Variants in TTLL5 observed in about 807,000 individuals in gnomAD.
TTLL5 encodes tubulin tyrosine ligase like 5.
A neutral mutation model predicts 168.4 loss-of-function variants in TTLL5; 132 were observed. The ratio of observed to expected loss-of-function variants is 0.78; its 90% CI spans 0.68 to 0.91. The LOEUF (loss-of-function observed/expected upper bound fraction) is 0.91. TTLL5 is among the 40% of genes least tolerant of loss of function. TTLL5 has a pLI of 0.00. For synonymous variants in TTLL5, 546 were observed against 558.6 expected (o/e 0.98, Z 0.32); for missense variants, 1,545 against 1,581.5 (o/e 0.98, Z 0.39).
chr14:75,683,011 C>T (rs1178662198), intron 4 of TTLL5, among the ~76,000 whole-genome samples: 1 of 152,064 alleles, frequency 6.6e-6, no homozygotes, highest in Non-Finnish European at 1.5e-5. Context: ...AGCTCAAGCG[C>T]TCCTCCCGCC....
chr14:75,746,843 C>T (rs919054237), intron 17 of TTLL5, among the ~76,000 whole-genome samples: 7 of 152,062 alleles, frequency 4.6e-5, no homozygotes, highest in African/African-American at 9.7e-5. Context: ...AGATTATAGG[C>T]GTGAGACACC....
chr14:75,726,852 G>A (rs1429089309), intron 12 of TTLL5, among the ~76,000 whole-genome samples: 1 of 152,076 alleles, frequency 6.6e-6, no homozygotes, highest in Non-Finnish European at 1.5e-5. Flanking sequence ...GGGAGCGATA[G>A]GATTATTATT....
At chr14:75,755,456 A>G (rs1218949637) in intron 18 of TTLL5, among the ~76,000 whole-genome samples, 1 of 151,986 alleles carries the variant, frequency 6.6e-6, no homozygotes, top group Non-Finnish European at 1.5e-5. Flanking sequence ...AATGGCCTTC[A>G]ATCCATCCCT....
Position 75,733,913 on chromosome 14 carries a change from T to A in TTLL5, c.1125-76T>A, listed in dbSNP as rs572006883. The A allele has an allele frequency of 9.7e-5, 136 of 1,405,974 alleles. 1 individual carries two copies. The South Asian group carries it at 1.5e-3, about 15-fold the overall frequency. 87.1% of individuals were successfully genotyped at this position (1,405,974 alleles called of 1,614,324 possible). A position where few individuals can be genotyped will look rare whatever the true frequency, so the allele number is the denominator to read the frequency against. ...TTGACATTTGGAAACTTTGCTATAT[T>A]GGGACCCATCAGAGGGCGGCTATTC... On this transcript the variant is annotated intron_variant, in intron 13 of 31. Transcript: ENST00000298832.
chr14:75,752,974 T>G lies in TTLL5; in HGVS notation c.1550+19T>G, dbSNP rs775438422. The G allele has an allele frequency of 5.0e-6, 8 of 1,608,386 alleles. No homozygotes were observed. The highest frequency in any genetic ancestry group is 6.8e-6 in the Non-Finnish European group (8 of 1,175,612). On this transcript the variant is annotated intron_variant, in intron 18 of 31. Coordinates refer to ENST00000298832, the MANE Select transcript of TTLL5 (RefSeq NM_015072.5). ...AGGACAGGTAGAGATTTGCTAAACT[T>G]TAAATTTAGGACTAGATCACAAGAT...
At chr14:75,765,620 T>C (rs1890922221) in intron 19 of TTLL5, among the ~76,000 whole-genome samples, 1 of 152,156 alleles carries the variant, frequency 6.6e-6, no homozygotes, top group Non-Finnish European at 1.5e-5. Flanking sequence ...CCCAGCACTT[T>C]AGGAGGCCAA....
intron 29 of TTLL5, among the ~76,000 whole-genome samples, chr14:75,864,410 C>T (rs1244677781): frequency 6.6e-6 from 1 of 152,172 alleles, no homozygotes; most frequent in Non-Finnish European, 1.5e-5. Flanking sequence ...TGTGATTCTA[C>T]TGTGTACTAG....
intron 28 of TTLL5, among the ~76,000 whole-genome samples, chr14:75,861,434 T>C (rs1054346493): frequency 6.6e-6 from 1 of 152,178 alleles, no homozygotes; most frequent in African/African-American, 2.4e-5. Flanking sequence ...CCTCCTTCAG[T>C]GCTCTGTTGA....
intron 28 of TTLL5, among the ~76,000 whole-genome samples, chr14:75,833,179 GCCT>G (rs1895676818): frequency 6.6e-6 from 1 of 152,066 alleles, no homozygotes; most frequent in Non-Finnish European, 1.5e-5. Flanking sequence ...CCATCCCCTA[GCCT>G]CCTCCCTCTT....
intron 17 of TTLL5, among the ~76,000 whole-genome samples, chr14:75,747,608 A>G (rs1889691916): frequency 1.3e-5 from 2 of 151,062 alleles, no homozygotes; most frequent in Non-Finnish European, 1.5e-5. Flanking sequence ...ATTTTTAAGC[A>G]TTGTTATGGT....
intron 31 of TTLL5, among the ~76,000 whole-genome samples, chr14:75,929,507 A>G (rs2034202641): frequency 7.4e-6 from 1 of 134,466 alleles, no homozygotes; most frequent in South Asian, 2.3e-4. Context: ...GCTGGAGTAC[A>G]GTGGCACGAT....
chr14:75,681,725 T>A, intron 4 of TTLL5, 98 bp downstream of exon 4: 1 of 1,007,530 alleles, frequency 9.9e-7, no homozygotes, highest in Non-Finnish European at 1.6e-6. Flanking sequence ...CTCCAGGAAG[T>A]ACATGGGACC....
chr14:75,671,075 T>A (rs367579052), intron 3 of TTLL5, among the ~76,000 whole-genome samples: 1 of 152,318 alleles, frequency 6.6e-6, no homozygotes, highest in African/African-American at 2.4e-5. Flanking sequence ...TGAGTTAAAT[T>A]TTTCATGTAG....
At chr14:75,664,921 C>T (rs2082277367) in intron 2 of TTLL5, among the ~76,000 whole-genome samples, 1 of 152,184 alleles carries the variant, frequency 6.6e-6, no homozygotes, top group Admixed American at 6.5e-5. Flanking sequence ...CTATATGAAA[C>T]TGCCATTTTG....
intron 31 of TTLL5, among the ~76,000 whole-genome samples, chr14:75,934,286 A>C (rs2034368094): frequency 6.6e-6 from 1 of 152,240 alleles, no homozygotes; most frequent in Non-Finnish European, 1.5e-5. Flanking sequence ...CACAGAGGTC[A>C]TTAAAAGGCT....
intron 24 of TTLL5, among the ~76,000 whole-genome samples, chr14:75,780,033 T>C (rs149711097): frequency 4.6e-5 from 7 of 152,332 alleles, no homozygotes; most frequent in South Asian, 2.1e-4. Context: ...GAGTGGGCAC[T>C]ACTACAGAAC....
At chr14:75,808,776 T>C (rs1234775401) in intron 27 of TTLL5, among the ~76,000 whole-genome samples, 1 of 152,062 alleles carries the variant, frequency 6.6e-6, no homozygotes. Flanking sequence ...TCCAGTCATA[T>C]TCTTTTTTTC....
chr14:75,669,228 T>C (rs1356055307), intron 2 of TTLL5, among the ~76,000 whole-genome samples, 188 bp from the exon 3 acceptor site: 2 of 152,220 alleles, frequency 1.3e-5, no homozygotes, highest in Non-Finnish European at 2.9e-5. Flanking sequence ...GGCCCATCCC[T>C]GAACCAGGGA....
intron 29 of TTLL5, 103 bp downstream of exon 29, chr14:75,863,965 T>C: frequency 8.1e-7 from 1 of 1,233,912 alleles, no homozygotes; most frequent in Non-Finnish European, 1.1e-6. Flanking sequence ...AGGATTAGTT[T>C]TCCAACCCCG....
Sources: allele counts gnomAD v4.1 joint callset (sites outside exome capture counted in the v4.1 genomes callset), GRCh38; gene constraint gnomAD v4.1.1; transcripts MANE v1.5; gene names NCBI Gene and HGNC (gene_info 2026-07-23, HGNC 2026-07-21).